Variants in CFAP263 observed in about 807,000 individuals in gnomAD.
The protein encoded by CFAP263 is cilia- and flagella-associated protein 263.
chr16:58,254,017 C>A, the CFAP263 span: 2 of 1,614,224 alleles, frequency 1.2e-6, no homozygotes, highest in Non-Finnish European at 1.7e-6. Context: ...AGGCGTAGAT[C>A]CAAATCCCGG....
chr16:58,255,723 A>G, the CFAP263 span, among the ~76,000 whole-genome samples: 2 of 151,670 alleles, frequency 1.3e-5, no homozygotes, highest in African/African-American at 2.4e-5. Context: ...CACCACACCC[A>G]GCTAATTTTT....
chr16:58,269,623 A>ATAAC, the CFAP263 span, among the ~76,000 whole-genome samples: 1 of 152,338 alleles, frequency 6.6e-6, no homozygotes, highest in South Asian at 2.1e-4. Context: ...TTCACTTGGA[A>ATAAC]TAACATTTCA....
chr16:58,261,200 A>C, the CFAP263 span, among the ~76,000 whole-genome samples: 1 of 152,192 alleles, frequency 6.6e-6, no homozygotes, highest in Non-Finnish European at 1.5e-5. Context: ...GGAGGGCCAC[A>C]GCCACTGTCT....
chr16:58,260,997 C>T, the CFAP263 span, among the ~76,000 whole-genome samples: 1 of 152,112 alleles, frequency 6.6e-6, no homozygotes, highest in African/African-American at 2.4e-5. Context: ...AAACACAGTG[C>T]CCAGACCAAG....
At chr16:58,251,801 TG>T in the CFAP263 span, among the ~76,000 whole-genome samples, 2 of 68,924 alleles carry the variant, frequency 2.9e-5, no homozygotes, top group Admixed American at 2.2e-4. Flanking sequence ...ACATCAAAGC[TG>T]TTCTCTCTCT....
the CFAP263 span, among the ~76,000 whole-genome samples, chr16:58,262,828 G>A: frequency 2.4e-5 from 2 of 83,808 alleles, no homozygotes; most frequent in African/African-American, 4.9e-5. Context: ...GTCTCACCCT[G>A]ACTAATTGAA....
At chr16:58,255,202 C>T in the CFAP263 span, among the ~76,000 whole-genome samples, 19 of 152,312 alleles carry the variant, frequency 1.2e-4, no homozygotes, top group East Asian at 3.5e-3. Context: ...GCTGCTGGTA[C>T]AAGTCCGAGG....
At chr16:58,264,647 C>T in the CFAP263 span, among the ~76,000 whole-genome samples, 2 of 152,254 alleles carry the variant, frequency 1.3e-5, no homozygotes, top group South Asian at 4.1e-4. Context: ...TCCCCAGCAT[C>T]AAGGACAGTG....
chr16:58,273,648 C>T, the CFAP263 span, among the ~76,000 whole-genome samples: 6 of 152,166 alleles, frequency 3.9e-5, no homozygotes, highest in Non-Finnish European at 4.4e-5. Context: ...TTGAAGACTT[C>T]GTCTGCTAAG....
chr16:58,255,790 C>T, the CFAP263 span, among the ~76,000 whole-genome samples: 1 of 152,118 alleles, frequency 6.6e-6, no homozygotes, highest in South Asian at 2.1e-4. Context: ...GTCTCGATCT[C>T]CTGACCTTGT....
chr16:58,254,030 A>C, the CFAP263 span: 1 of 1,614,188 alleles, frequency 6.2e-7, no homozygotes, highest in Non-Finnish European at 8.5e-7. Context: ...AATCCCGGAC[A>C]GGTATGGACC....
chr16:58,262,782 G>GATAT, the CFAP263 span, among the ~76,000 whole-genome samples: 1 of 150,786 alleles, frequency 6.6e-6, no homozygotes, highest in Non-Finnish European at 1.5e-5. Flanking sequence ...TAGATAGATA[G>GATAT]ATAGATAGAT....
chr16:58,252,708 CA>C, the CFAP263 span: 64 of 1,610,078 alleles, frequency 4.0e-5, no homozygotes, highest in Non-Finnish European at 5.2e-5. Flanking sequence ...AGAACTTACT[CA>C]GGTACCCTGT....
At chr16:58,258,985 AT>A in the CFAP263 span, among the ~76,000 whole-genome samples, 18 of 106,400 alleles carry the variant, frequency 1.7e-4, no homozygotes, top group Non-Finnish European at 2.1e-4. Flanking sequence ...CTCAGAAAAA[AT>A]AAATAAATAA....
At chr16:58,279,968 A>C in the CFAP263 span, 1 of 620,418 alleles carries the variant, frequency 1.6e-6, no homozygotes, top group Non-Finnish European at 2.8e-6. Flanking sequence ...TGGAACTGTT[A>C]CCACTGAAAG....
chr16:58,272,107 C>A, the CFAP263 span, among the ~76,000 whole-genome samples: 5 of 151,680 alleles, frequency 3.3e-5, no homozygotes, highest in African/African-American at 1.2e-4. Flanking sequence ...CTCCACCTCC[C>A]GGGTTCACGC....
At chr16:58,267,224 A>C in the CFAP263 span, among the ~76,000 whole-genome samples, 1 of 152,070 alleles carries the variant, frequency 6.6e-6, no homozygotes, top group Non-Finnish European at 1.5e-5. Context: ...CTCCTTAGTG[A>C]GTAGTAGGGC....
chr16:58,251,283 G>A, the CFAP263 span, among the ~76,000 whole-genome samples: 1 of 152,178 alleles, frequency 6.6e-6, no homozygotes, highest in African/African-American at 2.4e-5. Context: ...TTCAAACTCA[G>A]GTGTGACTCC....
At chr16:58,272,529 T>A in the CFAP263 span, among the ~76,000 whole-genome samples, 4 of 152,230 alleles carry the variant, frequency 2.6e-5, no homozygotes, top group Non-Finnish European at 5.9e-5. Flanking sequence ...TAGGAAATTA[T>A]AATACAATGC....
Sources: gnomAD v4.1 joint callset for allele counts (sites outside exome capture counted in the v4.1 genomes callset) on GRCh38, gnomAD v4.1.1 for gene constraint, MANE v1.5 for transcripts, NCBI Gene and HGNC (gene_info 2026-07-23, HGNC 2026-07-21) for gene names.